The following SLC35F1 variants were observed in gnomAD, a reference collection of about 807,000 sequenced individuals.
The protein encoded by SLC35F1 is chromosome 6 open reading frame 169.
A neutral mutation model predicts 48.7 loss-of-function variants in SLC35F1; 14 were observed. The observed-to-expected ratio is 0.29, with a 90% CI of 0.19 to 0.45. The LOEUF (loss-of-function observed/expected upper bound fraction) is 0.45. Ranked by LOEUF, SLC35F1 falls within the 20% of genes least tolerant of loss-of-function variation. The probability of loss-of-function intolerance (pLI) is 1.00; values close to 1 mark genes in which losing one functional copy is unlikely to be tolerated. For missense variants in SLC35F1, 404 were observed against 500.0 expected (o/e 0.81, Z 1.83); for synonymous variants, 190 against 202.2 (o/e 0.94, Z 0.51).
At chr6:117,932,645 C>T (rs1776117050) in intron 1 of SLC35F1, among the ~76,000 whole-genome samples, 1 of 152,196 alleles carries the variant, frequency 6.6e-6, no homozygotes, top group Non-Finnish European at 1.5e-5. Context: ...GAAATGTACT[C>T]TGTAGTGTAA....
intron 1 of SLC35F1, among the ~76,000 whole-genome samples, chr6:118,086,157 T>TA (rs895931115): frequency 7.9e-5 from 12 of 152,160 alleles, no homozygotes; most frequent in African/African-American, 2.6e-4. Flanking sequence ...TTCTCCAATG[T>TA]AAAAAAAATA....
chr6:118,111,096 G>A (rs1440433061), intron 1 of SLC35F1, among the ~76,000 whole-genome samples: 1 of 152,032 alleles, frequency 6.6e-6, no homozygotes, highest in East Asian at 1.9e-4. Context: ...GAAACTGGGA[G>A]ATAACTATAA....
chr6:118,308,812 A>C (rs1055078347), intron 7 of SLC35F1, among the ~76,000 whole-genome samples: 2 of 152,168 alleles, frequency 1.3e-5, no homozygotes, highest in African/African-American at 4.8e-5. Flanking sequence ...TATGCAGTTC[A>C]TGGACCAGTT....
chr6:118,227,461 G>A (rs1775233110), intron 2 of SLC35F1, among the ~76,000 whole-genome samples: 1 of 152,150 alleles, frequency 6.6e-6, no homozygotes, highest in Non-Finnish European at 1.5e-5. Flanking sequence ...AGAAATATGG[G>A]ACAAAAGTGT....
rs555866377 is a variant in SLC35F1, at chr6:118,301,649, G to C, written c.1003-12379G>C. Among the ~76,000 whole-genome samples, 473 of 152,096 alleles carry C rather than the reference G, an allele frequency of 3.1e-3. 2 individuals carry two copies. Among genetic ancestry groups the C allele is most frequent in the African/African-American group, 0.011 (462 of 41,494 alleles). On this transcript the variant is annotated intron_variant, in intron 7 of 7. Coordinates refer to ENST00000360388, the MANE Select transcript of SLC35F1 (RefSeq NM_001029858.4). Reference sequence around the variant, plus strand: ...AGTCATTATCACATACAATGTTTAGGCATCTATATTGGTAGCTATAGATAT... The same window carrying C: ...AGTCATTATCACATACAATGTTTAGCCATCTATATTGGTAGCTATAGATAT...
intron 1 of SLC35F1, among the ~76,000 whole-genome samples, chr6:118,010,179 G>A (rs1340326383): frequency 2.0e-5 from 3 of 152,142 alleles, no homozygotes; most frequent in African/African-American, 7.2e-5. Flanking sequence ...ATCTGTCATG[G>A]TAAATATTCC....
chr6:118,000,336 C>G (rs1777072862), intron 1 of SLC35F1, among the ~76,000 whole-genome samples: 2 of 2,116 alleles, frequency 9.5e-4, no homozygotes, highest in East Asian at 0.053. Context: ...TAAACAGAAC[C>G]AAAGACAAAA....
chr6:118,307,437 C>CT (rs72149753), intron 7 of SLC35F1, among the ~76,000 whole-genome samples: 3 of 150,616 alleles, frequency 2.0e-5, no homozygotes, highest in African/African-American at 4.9e-5. Context: ...AGATTTAGTC[C>CT]TTTTTTTTTC....
chr6:118,060,459 T>C (rs4588716), intron 1 of SLC35F1, among the ~76,000 whole-genome samples: 62,518 of 151,604 alleles, frequency 0.41, 13,221 homozygotes, highest in East Asian at 0.52. Flanking sequence ...TTTCAAATGA[T>C]TTAAAATTAT....
intron 1 of SLC35F1, 128 bp from the exon 2 acceptor site, chr6:118,154,317 C>A: frequency 1.3e-6 from 1 of 764,188 alleles, no homozygotes; most frequent in Non-Finnish European, 2.1e-6. Flanking sequence ...CTTTGATGGA[C>A]TAAAGGGAAT....
chr6:118,208,096 T>TGCACGCACACACAC (rs1355902877), intron 2 of SLC35F1, among the ~76,000 whole-genome samples: 2 of 148,136 alleles, frequency 1.4e-5, no homozygotes, highest in African/African-American at 5.1e-5. Context: ...TACACACACA[T>TGCACGCACACACAC]GCACGCACAC....
intron 2 of SLC35F1, among the ~76,000 whole-genome samples, chr6:118,171,598 G>C (rs1331874496): frequency 6.6e-6 from 1 of 152,040 alleles, no homozygotes; most frequent in Non-Finnish European, 1.5e-5. Flanking sequence ...CCTATTCTTG[G>C]TATTCAAGAG....
intron 1 of SLC35F1, among the ~76,000 whole-genome samples, chr6:117,987,977 G>A (rs1021542963): frequency 2.6e-5 from 4 of 152,026 alleles, no homozygotes; most frequent in Non-Finnish European, 5.9e-5. Context: ...GCCCAACAGC[G>A]GTGGGCCATT....
rs570055037 is a variant in SLC35F1, at chr6:118,072,543, G to A, written c.174-81902G>A. On this transcript the variant is annotated intron_variant, in intron 1 of 7. Transcript: ENST00000360388. The stretch of plus-strand genomic sequence containing the variant: ...CGTGCCACTGCACTCCAGCCTGGGC[G>A]ACAGAGTGAGATTCTGCCTCAAAAA... 8.6e-5 allele frequency among the ~76,000 whole-genome samples: 13 copies of A among 152,018 alleles called. No homozygotes were observed. In the East Asian group the frequency reaches 2.3e-3, roughly 27 times the overall value.
chr6:117,959,982 G>A lies in SLC35F1; in HGVS notation c.173+52083G>A, dbSNP rs149935145. On this transcript the variant is annotated intron_variant, in intron 1 of 7. Transcript: ENST00000360388. The stretch of plus-strand genomic sequence containing the variant: ...ATTGACAAGGCAGCATTCAAATCCA[G>A]GAATTTCTGACTCTGAATCCACACA... Among the ~76,000 whole-genome samples, 7 of 152,028 alleles carry A rather than the reference G, an allele frequency of 4.6e-5. No homozygotes were observed. The East Asian group carries it at 1.4e-3, about 30-fold the overall frequency.
chr6:117,923,664 T>TGTAC, intron 1 of SLC35F1, among the ~76,000 whole-genome samples: 1 of 102,176 alleles, frequency 9.8e-6, no homozygotes, highest in Non-Finnish European at 1.9e-5. Context: ...CATATGTATA[T>TGTAC]ATACATATAT....
At chr6:117,923,598 T>TACATATACGTATAC (rs1415995469) in intron 1 of SLC35F1, among the ~76,000 whole-genome samples, 1 of 6,048 alleles carries the variant, frequency 1.7e-4, no homozygotes. Flanking sequence ...TATACATATG[T>TACATATACGTATAC]GTATATATAC....
At chr6:118,170,606 A>AT (rs1423539509) in intron 2 of SLC35F1, among the ~76,000 whole-genome samples, 1 of 151,822 alleles carries the variant, frequency 6.6e-6, no homozygotes, top group African/African-American at 2.4e-5. Context: ...TGCCCAGCTA[A>AT]TTTTTGTATT....
chr6:118,013,769 T>A (rs1777283555), intron 1 of SLC35F1, among the ~76,000 whole-genome samples: 1 of 152,208 alleles, frequency 6.6e-6, no homozygotes, highest in Admixed American at 6.5e-5. Context: ...AGTCATAGCT[T>A]ATTATATTGG....
Sources: allele counts gnomAD v4.1 joint callset (sites outside exome capture counted in the v4.1 genomes callset), GRCh38; gene constraint gnomAD v4.1.1; transcripts MANE v1.5; gene names NCBI Gene and HGNC (gene_info 2026-07-23, HGNC 2026-07-21).